OPCML: variants seen among roughly 807,000 people sequenced by gnomAD.
OPCML encodes the protein opioid binding protein/cell adhesion molecule like, also known as opioid-binding protein/cell adhesion molecule.
A neutral mutation model predicts 37.8 loss-of-function variants in OPCML; 13 were observed. The ratio of observed to expected loss-of-function variants is 0.34; its 90% CI spans 0.22 to 0.55. The LOEUF (loss-of-function observed/expected upper bound fraction) is 0.55, where lower values mean the gene tolerates loss of function less well. Ranked by LOEUF, OPCML falls within the 20% of genes least tolerant of loss-of-function variation. The pLI, the probability that OPCML is intolerant of heterozygous loss-of-function variation, is 0.91. For synonymous variants in OPCML, 176 were observed against 168.8 expected (o/e 1.04, Z -0.33); for missense variants, 341 against 435.6 (o/e 0.78, Z 1.93).
chr11:133,219,861 G>T lies in OPCML; in HGVS notation c.62-276851C>A, dbSNP rs181779064. Among the ~76,000 whole-genome samples, 1,148 of 152,264 alleles carry T rather than the reference G, an allele frequency of 7.5e-3. 12 individuals are homozygous for T. The highest frequency in any genetic ancestry group is 0.013 in the Non-Finnish European group (888 of 68,034). ...AGCGATGCTGCTAATATCCTATAAT[G>T]CACAGAACCCCCTTCCCAAACTGTG... On this transcript the variant is annotated intron_variant, in intron 1 of 7. Coordinates refer to ENST00000524381, the MANE Select transcript of OPCML (RefSeq NM_001012393.5).
intron 1 of OPCML, among the ~76,000 whole-genome samples, chr11:133,192,541 C>CATAG (rs1281176310): frequency 6.6e-6 from 1 of 152,178 alleles, no homozygotes; most frequent in Non-Finnish European, 1.5e-5. Flanking sequence ...TTGTTTCCAC[C>CATAG]GCTGGTTGCC....
At chr11:133,296,739 G>A (rs1033736288) in intron 1 of OPCML, among the ~76,000 whole-genome samples, 1 of 152,066 alleles carries the variant, frequency 6.6e-6, no homozygotes, top group Admixed American at 6.6e-5. Context: ...TTTTAAGACT[G>A]TTTTCTTCTA....
intron 2 of OPCML, among the ~76,000 whole-genome samples, chr11:132,745,230 G>A (rs1945574957): frequency 1.3e-5 from 2 of 152,164 alleles, no homozygotes; most frequent in South Asian, 4.1e-4. Context: ...CTGTGGTTCA[G>A]CATGCCAGCC....
At chr11:132,706,481 CT>C (rs536510184) in intron 2 of OPCML, among the ~76,000 whole-genome samples, 62 of 152,302 alleles carry the variant, frequency 4.1e-4, no homozygotes, top group Non-Finnish European at 6.9e-4. Flanking sequence ...TTTAATGCTA[CT>C]TCCTTGCCTT....
chr11:133,502,517 C>T (rs189831418), intron 1 of OPCML, among the ~76,000 whole-genome samples: 1 of 152,300 alleles, frequency 6.6e-6, no homozygotes, highest in Non-Finnish European at 1.5e-5. Context: ...GGTGGAGGGA[C>T]GCTCTGAGTG....
At position 133,274,981 on chromosome 11, in the gene OPCML, T is replaced by C. The variant is rs541557786; in HGVS notation, c.61+257283A>G. ...ATTTTGTCTTTTAAGTGGATGTCTC[T>C]TATCCTTAGGGTTAGAGTGACAGCT... On this transcript the variant is annotated intron_variant, in intron 1 of 7. Transcript: ENST00000524381. Among the ~76,000 whole-genome samples the C allele has an allele frequency of 1.1e-4, 17 of 152,344 alleles. 2 individuals carry two copies. Among genetic ancestry groups the C allele is most frequent in the African/African-American group, 4.1e-4 (17 of 41,574 alleles).
At chr11:133,129,883 G>C (rs1949577184) in intron 1 of OPCML, among the ~76,000 whole-genome samples, 1 of 151,866 alleles carries the variant, frequency 6.6e-6, no homozygotes, top group Non-Finnish European at 1.5e-5. Flanking sequence ...ACTCCAGTCA[G>C]AATGACAAAG....
chr11:132,830,248 A>G (rs984291790), intron 2 of OPCML, among the ~76,000 whole-genome samples: 1 of 152,186 alleles, frequency 6.6e-6, no homozygotes, highest in Non-Finnish European at 1.5e-5. Flanking sequence ...ATTACTATAG[A>G]GATCAAAGTT....
chr11:132,733,243 T>C (rs921855647), intron 2 of OPCML, among the ~76,000 whole-genome samples: 4 of 151,994 alleles, frequency 2.6e-5, no homozygotes, highest in African/African-American at 9.7e-5. Context: ...GGAAGCCACA[T>C]GACTCAGGGA....
At chr11:133,044,222 T>TCCA (rs373962889) in intron 1 of OPCML, among the ~76,000 whole-genome samples, 3 of 152,280 alleles carry the variant, frequency 2.0e-5, no homozygotes, top group African/African-American at 7.2e-5. Flanking sequence ...TGGGTGCATA[T>TCCA]CCACGTGCAT....
intron 4 of OPCML, among the ~76,000 whole-genome samples, chr11:132,444,687 C>T (rs537090916): frequency 6.6e-6 from 1 of 152,270 alleles, no homozygotes; most frequent in South Asian, 2.1e-4. Flanking sequence ...AATCCACTCT[C>T]TTTCTGCCAG....
At chr11:133,013,967 G>C (rs978937143) in intron 1 of OPCML, among the ~76,000 whole-genome samples, 1 of 152,160 alleles carries the variant, frequency 6.6e-6, no homozygotes, top group Non-Finnish European at 1.5e-5. Context: ...GTAGGACATA[G>C]ATTTACAAAG....
intron 1 of OPCML, among the ~76,000 whole-genome samples, chr11:133,046,867 C>A (rs1280276248): frequency 6.6e-6 from 1 of 152,150 alleles, no homozygotes. Flanking sequence ...AATAGAACTG[C>A]CAGTGACACC....
At chr11:132,967,556 CCCA>C (rs1368597422) in intron 1 of OPCML, among the ~76,000 whole-genome samples, 2 of 152,092 alleles carry the variant, frequency 1.3e-5, no homozygotes, top group Non-Finnish European at 2.9e-5. Context: ...TTGGCACCCA[CCCA>C]CCACTTTTAC....
chr11:132,776,380 T>C (rs907017790), intron 2 of OPCML, among the ~76,000 whole-genome samples: 3 of 152,080 alleles, frequency 2.0e-5, no homozygotes, highest in African/African-American at 7.2e-5. Flanking sequence ...TGTGATATGG[T>C]TTGGATGTTT....
chr11:132,709,803 A>G (rs1944184018), intron 2 of OPCML, among the ~76,000 whole-genome samples: 1 of 152,206 alleles, frequency 6.6e-6, no homozygotes, highest in Non-Finnish European at 1.5e-5. Context: ...TAAAACCAAC[A>G]CAATGATTGA....
chr11:133,418,599 G>A, intron 1 of OPCML: 1 of 289,120 alleles, frequency 3.5e-6, no homozygotes, highest in Non-Finnish European at 5.2e-6. Flanking sequence ...CTGGGTGTGG[G>A]CCAAGCTTAC....
chr11:132,447,327 C>T (rs1438968914), intron 4 of OPCML, among the ~76,000 whole-genome samples: 1 of 152,170 alleles, frequency 6.6e-6, no homozygotes, highest in Non-Finnish European at 1.5e-5. Flanking sequence ...GACAGAGTTT[C>T]ACGCTCTCTT....
At chr11:132,852,270 A>G (rs1007549282) in intron 2 of OPCML, among the ~76,000 whole-genome samples, 4 of 152,156 alleles carry the variant, frequency 2.6e-5, no homozygotes, top group Non-Finnish European at 5.9e-5. Flanking sequence ...CAAAAAAACT[A>G]CTGAAAAAAT....
Sources: gnomAD v4.1 joint callset for allele counts (sites outside exome capture counted in the v4.1 genomes callset) on GRCh38, gnomAD v4.1.1 for gene constraint, MANE v1.5 for transcripts, NCBI Gene and HGNC (gene_info 2026-07-23, HGNC 2026-07-21) for gene names.